The following MEFV variants were observed in gnomAD, a reference collection of about 807,000 sequenced individuals.
MEFV encodes pyrin.
MEFV carries 60 observed loss-of-function variants against 62.5 expected under a neutral mutation model. The ratio of observed to expected loss-of-function variants is 0.96; its 90% confidence interval spans 0.78 to 1.19. The LOEUF (loss-of-function observed/expected upper bound fraction) is 1.19. MEFV is among the 50% of genes most tolerant of loss of function. The pLI is 0.00. For missense variants in MEFV, 1,169 were observed against 1,004.5 expected (o/e 1.16, Z -2.21); for synonymous variants, 500 against 415.2 (o/e 1.20, Z -2.48).
In MEFV at chr16:3,247,103, G is replaced by A; in HGVS notation, c.1500C>T (p.Thr500=). ...GCAGGGCGATGTCCTGGGATACGCG[G>A]GTGTCATATGCCTTCCTGATCTGCC... ...MVGQIRKAYD[T]RVSQDIALLD... Residue 500 remains threonine (T), a synonymous_variant, in exon 5 of 10, where the codon ACC becomes ACT. Transcript: ENST00000219596. 1 of 1,614,186 alleles carries A rather than the reference G, an allele frequency of 6.2e-7. No homozygotes were observed. The highest frequency in any genetic ancestry group is 8.5e-7 in the Non-Finnish European group (1 of 1,180,026).
chr16:3,252,783 C>CA lies in MEFV; in HGVS notation c.910+1374dup, dbSNP rs376447807. The stretch of plus-strand genomic sequence containing the variant: ...ACAGTCCTCGTAACTACAAAAAATA[C>CA]AAAAAAAAAAAAAAAAATTAACCAG... On this transcript the variant is annotated intron_variant, in intron 2 of 9. Coordinates refer to ENST00000219596, the MANE Select transcript of MEFV (RefSeq NM_000243.3). 5.6e-3 allele frequency among the ~76,000 whole-genome samples: 683 copies of CA among 122,458 alleles called. 5 individuals are homozygous for CA. The highest frequency in any genetic ancestry group is 0.028 in the South Asian group (91 of 3,304). 80.3% of individuals were successfully genotyped at this position (122,458 alleles called of 152,430 possible). A position where few individuals can be genotyped will look rare whatever the true frequency, so the allele number is the denominator to read the frequency against.
chr16:3,243,624 T>C lies in MEFV; in HGVS notation c.1863A>G (p.Arg621=), dbSNP rs1295334671. ...GCAGCCTCTCCCACTTGTTTCCAAGTCTAACACTCTTCAGATCATCAGAGA... is the reference window on the plus strand; with the variant it reads ...GCAGCCTCTCCCACTTGTTTCCAAGCCTAACACTCTTCAGATCATCAGAGA... ...LIFSDDLKSV[R]LGNKWERLPD... Residue 621 remains arginine (R), a synonymous_variant, in exon 10 of 10, where the codon AGA becomes AGG. Coordinates refer to ENST00000219596, the MANE Select transcript of MEFV (RefSeq NM_000243.3). 6.3e-7 allele frequency: 1 copy of C among 1,599,812 alleles called. No homozygotes were observed.
chr16:3,246,832 T>G (rs111245227), intron 5 of MEFV, among the ~76,000 whole-genome samples, 184 bp downstream of exon 5: 1 of 152,196 alleles, frequency 6.6e-6, no homozygotes, highest in Non-Finnish European at 1.5e-5. Flanking sequence ...CACCCTGGGC[T>G]CCTGAGAGAC....
In MEFV at chr16:3,246,588, T is replaced by C. The variant is rs145333004; in HGVS notation, c.1588-41A>G. 35 of 1,613,006 alleles carry C rather than the reference T, an allele frequency of 2.2e-5. No individual in the cohort carries two copies. In the East Asian group the frequency reaches 7.1e-4, roughly 33 times the overall value. ...AGGAAACTGTCGGTTACCAGGCTCC[T>C]AGTGGCTGGGCTGACTCCTGGCCTC... On this transcript the variant is annotated intron_variant, in intron 5 of 9. Transcript: ENST00000219596.
At chr16:3,256,289 G>A (rs1386349471) in intron 1 of MEFV, 22 bp downstream of exon 1, 2 of 1,611,940 alleles carry the variant, frequency 1.2e-6, no homozygotes, top group Admixed American at 1.7e-5. Context: ...ACTGGATGAG[G>A]AGGAGGCCTG....
intron 8 of MEFV, 135 bp downstream of exon 8, chr16:3,244,119 C>A: frequency 6.4e-7 from 1 of 1,557,090 alleles, no homozygotes; most frequent in Admixed American, 1.9e-5. Flanking sequence ...GGGGGCCTGC[C>A]ATGACCTTTC....
chr16:3,253,294 G>A (rs1429009534), intron 2 of MEFV, among the ~76,000 whole-genome samples: 1 of 152,048 alleles, frequency 6.6e-6, no homozygotes, highest in African/African-American at 2.4e-5. Flanking sequence ...GTGTCCATGC[G>A]ATGTAGGAAG....
rs2141668483 is a variant in MEFV at position 3,246,565 on chromosome 16, G to C, written c.1588-18C>G. The C allele has an allele frequency of 6.2e-7, 1 of 1,614,086 alleles. No homozygotes were observed. Among genetic ancestry groups the C allele is most frequent in the Non-Finnish European group, 8.5e-7 (1 of 1,179,996 alleles). On this transcript the variant is annotated intron_variant, in intron 5 of 9. Transcript: ENST00000219596. ...CCAATGTCCTAGGAGAAAAAAGAAG[G>C]AAACTGTCGGTTACCAGGCTCCTAG...
At position 3,249,319 on chromosome 16, in the gene MEFV, C is replaced by G. The variant is rs1183279207; in HGVS notation, c.1260+112G>C. 1.2e-5 allele frequency: 12 copies of G among 1,002,624 alleles called. No homozygotes were observed. The Middle Eastern group carries it at 2.1e-3, about 174-fold the overall frequency. 62.1% of individuals were successfully genotyped at this position (1,002,624 alleles called of 1,614,324 possible). On this transcript the variant is annotated intron_variant, in intron 3 of 9. Coordinates refer to ENST00000219596, the MANE Select transcript of MEFV (RefSeq NM_000243.3). The stretch of plus-strand genomic sequence containing the variant: ...TATATTGTGTTCTTGCCATTTCCAG[C>G]CCAAGAATGCTGGTTAATGCACCAA...
At position 3,243,640 on chromosome 16, in the gene MEFV, T is replaced by A; in HGVS notation, c.1847A>T (p.Asp616Val). The A allele has an allele frequency of 6.3e-7, 1 of 1,599,208 alleles. No homozygotes were observed. The highest frequency in any genetic ancestry group is 1.1e-5 in the South Asian group (1 of 88,948). Reference protein sequence around the residue: ...TAYPNLIFSDDLKSVRLGNKW... With the variant: ...TAYPNLIFSDVLKSVRLGNKW... The stretch of plus-strand genomic sequence containing the variant: ...GTTTCCAAGTCTAACACTCTTCAGA[T>A]CATCAGAGAAGATGAGGTTGGGGTA... Residue 616 changes from aspartate to valine, a missense_variant, in exon 10 of 10, where the codon GAT becomes GTT. Coordinates refer to ENST00000219596, the MANE Select transcript of MEFV (RefSeq NM_000243.3).
intron 5 of MEFV, among the ~76,000 whole-genome samples, 154 bp downstream of exon 5, chr16:3,246,862 C>A (rs72774479): frequency 1.2e-4 from 19 of 152,290 alleles, no homozygotes; most frequent in Non-Finnish European, 2.5e-4. Context: ...GGGGTCTGGG[C>A]ACAAGAGGCA....
intron 3 of MEFV, 104 bp downstream of exon 3, chr16:3,249,327 T>C: frequency 9.5e-7 from 1 of 1,047,530 alleles, no homozygotes; most frequent in Non-Finnish European, 1.5e-6. Flanking sequence ...AGCCCAAGAA[T>C]GCTGGTTAAT....
chr16:3,244,259 A>G lies in MEFV; in HGVS notation c.1754T>C (p.Phe585Ser). 2.5e-6 allele frequency: 4 copies of G among 1,614,128 alleles called. No individual in the cohort carries two copies. Among genetic ancestry groups the G allele is most frequent in the Non-Finnish European group, 3.4e-6 (4 of 1,180,022 alleles). Residue 585 changes from phenylalanine (F) to serine (S), a missense_variant, in exon 8 of 10, where the codon TTC becomes TCC. Phe to Ser is a radical substitution (Grantham distance 155). Coordinates refer to ENST00000219596, the MANE Select transcript of MEFV (RefSeq NM_000243.3). Reference protein sequence around the residue: ...SETLRSEMEMFNVPELIGAQA... With the variant: ...SETLRSEMEMSNVPELIGAQA... ...ACCATTACCGCTGGACTCACCATTG[A>G]ACATTTCCATTTCTGAACGCAGGGT...
chr16:3,247,306 A>G, intron 4 of MEFV, 60 bp from the exon 5 acceptor site: 1 of 1,508,226 alleles, frequency 6.6e-7, no homozygotes, highest in Non-Finnish European at 9.2e-7. Flanking sequence ...GTGGATGTCC[A>G]GGAACCCCCA....
rs104895182 is a variant in MEFV, at chr16:3,254,411, G to T, written c.657C>A (p.Gly219=). The T allele has an allele frequency of 6.2e-7, 1 of 1,608,440 alleles. No homozygotes were observed. Among genetic ancestry groups the T allele is most frequent in the African/African-American group, 1.3e-5 (1 of 74,814 alleles). Reference sequence around the variant, plus strand: ...GCCTGCACTCCTTCTGCCCCGGGGCGCCCCCCGCCAGCCCCTGCAGCCTCC... The same window carrying T: ...GCCTGCACTCCTTCTGCCCCGGGGCTCCCCCCGCCAGCCCCTGCAGCCTCC... The part of the protein sequence containing the change: ...SAGRLQGLAG[G]APGQKECRPF... The change falls in exon 2 of 10, where the codon GGC becomes GGA. Residue 219 remains glycine (G), a synonymous_variant. Transcript: ENST00000219596.
In MEFV at chr16:3,247,056, A is replaced by G; in HGVS notation, c.1547T>C (p.Leu516Pro). The G allele has an allele frequency of 1.2e-6, 2 of 1,614,168 alleles. No homozygotes were observed. The highest frequency in any genetic ancestry group is 2.2e-5 in the East Asian group (1 of 44,884). Residue 516 changes from leucine (L) to proline (P), a missense_variant, in exon 5 of 10, where the codon CTG becomes CCG. By Grantham distance (98) the Leu-to-Pro change is moderately conservative (BLOSUM62 -3). Transcript: ENST00000219596. Reference sequence around the variant, plus strand: ...TTCTGACTGGCACTCCTTGGCCTCCAGTTCCCCAATCAGCGCATCGAGCAG... The same window carrying G: ...TTCTGACTGGCACTCCTTGGCCTCCGGTTCCCCAATCAGCGCATCGAGCAG... ...IALLDALIGE[L>P]EAKECQSEWE...
Position 3,256,348 on chromosome 16 carries a change from G to A in MEFV, c.240C>T (p.Arg80=), listed in dbSNP as rs750467804. 2.5e-6 allele frequency: 4 copies of A among 1,613,964 alleles called. No individual in the cohort carries two copies. Among genetic ancestry groups the A allele is most frequent in the East Asian group, 4.5e-5 (2 of 44,880 alleles). Residue 80 remains arginine, a synonymous_variant, in exon 1 of 10, where the codon CGC becomes CGT. Coordinates refer to ENST00000219596, the MANE Select transcript of MEFV (RefSeq NM_000243.3). ...TLQVLRAINQ[R]LLAEELHRAA... ...CCCTGTGGAGCTCCTCGGCCAGCAGGCGCTGGTTGATGGCCCGCAGGACCT... is the reference window on the plus strand; with the variant it reads ...CCCTGTGGAGCTCCTCGGCCAGCAGACGCTGGTTGATGGCCCGCAGGACCT...
At chr16:3,249,067 A>G (rs753110756) in intron 3 of MEFV, 63 bp from the exon 4 acceptor site, 121 of 1,497,056 alleles carry the variant, frequency 8.1e-5, no homozygotes, top group Middle Eastern at 1.7e-4. Context: ...GCTGGTGCCA[A>G]CTCTGGAGGG....
rs876660988 is a variant in MEFV at position 3,254,703 on chromosome 16, T to C, written c.365A>G (p.Asp122Gly). The C allele has an allele frequency of 1.2e-6, 2 of 1,612,736 alleles. No individual in the cohort carries two copies. The highest frequency in any genetic ancestry group is 3.3e-5 in the Admixed American group (2 of 60,022). Residue 122 changes from aspartate to glycine, a missense_variant, in exon 2 of 10, where the codon GAC (aspartate) becomes GGC (glycine). By Grantham distance (94) the Asp-to-Gly change is moderately conservative. Coordinates refer to ENST00000219596, the MANE Select transcript of MEFV (RefSeq NM_000243.3). The part of the protein sequence containing the change: ...ENKPRSLKTP[D>G]HPEGNEGNGP... The stretch of plus-strand genomic sequence containing the variant: ...GTTCCCCTCGTTCCCCTCGGGGTGG[T>C]CTGGAGTCTTCAGGCTCCTGGGCTT...
Sources: allele counts gnomAD v4.1 joint callset (sites outside exome capture counted in the v4.1 genomes callset), GRCh38; gene constraint gnomAD v4.1.1; transcripts MANE v1.5; gene names NCBI Gene and HGNC (gene_info 2026-07-23, HGNC 2026-07-21).